BTBD8: variants seen among roughly 807,000 people sequenced by gnomAD.
The protein encoded by BTBD8 is BTB/POZ domain-containing protein 8.
Under a neutral mutation model 162.9 loss-of-function variants are expected in BTBD8, and 110 were observed. The ratio of observed to expected loss-of-function variants is 0.68; its 90% CI spans 0.58 to 0.79. The LOEUF (loss-of-function observed/expected upper bound fraction) is 0.79. BTBD8 is among the 30% of genes least tolerant of loss of function. BTBD8 has a pLI of 0.00. For missense variants in BTBD8, 1,905 were observed against 2,085.4 expected, an observed-to-expected ratio of 0.91 and a Z score of 1.68; for synonymous variants, 667 against 716.1, an observed-to-expected ratio of 0.93 and a Z score of 1.10.
chr1:92,133,516 A>G (rs1445013147), intron 5 of BTBD8, among the ~76,000 whole-genome samples: 2 of 152,220 alleles, frequency 1.3e-5, no homozygotes, highest in African/African-American at 2.4e-5. Context: ...TGTCTGCAGG[A>G]TGTTTTCCAT....
At chr1:92,176,721 A>G (rs1650720373) in intron 13 of BTBD8, 108 bp from the exon 14 acceptor site, 3 of 569,840 alleles carry the variant, frequency 5.3e-6, no homozygotes, top group South Asian at 7.8e-5. Flanking sequence ...AAATCATAAT[A>G]TGAACTTTTC....
chr1:92,148,524 G>A (rs538745767), intron 9 of BTBD8, among the ~76,000 whole-genome samples: 2 of 152,260 alleles, frequency 1.3e-5, no homozygotes, highest in Non-Finnish European at 2.9e-5. Flanking sequence ...TGTGGGGCTG[G>A]GGGCAGTATC....
At chr1:92,106,051 G>A (rs1347664668) in intron 3 of BTBD8, among the ~76,000 whole-genome samples, 1 of 152,168 alleles carries the variant, frequency 6.6e-6, no homozygotes, top group Non-Finnish European at 1.5e-5. Context: ...AAGTATGGAG[G>A]CAGCTTACTT....
At chr1:92,162,757 G>C (rs1345687641) in intron 9 of BTBD8, among the ~76,000 whole-genome samples, 1 of 152,176 alleles carries the variant, frequency 6.6e-6, no homozygotes, top group African/African-American at 2.4e-5. Flanking sequence ...CTGCATATAA[G>C]CCTGTTTCTC....
At chr1:92,140,242 G>A (rs550135062) in intron 6 of BTBD8, among the ~76,000 whole-genome samples, 5 of 138,128 alleles carry the variant, frequency 3.6e-5, no homozygotes, top group East Asian at 2.2e-4. Flanking sequence ...GGACTGTAGC[G>A]AGACCCGGTT....
intron 17 of BTBD8, 120 bp downstream of exon 17, chr1:92,182,715 T>C: frequency 1.9e-6 from 1 of 531,502 alleles, no homozygotes; most frequent in Non-Finnish European, 3.1e-6. Flanking sequence ...AAGCAACAGA[T>C]TAAAATTTTA....
intron 7 of BTBD8, among the ~76,000 whole-genome samples, chr1:92,145,380 T>C (rs1423795459): frequency 6.6e-6 from 1 of 152,208 alleles, no homozygotes; most frequent in Non-Finnish European, 1.5e-5. Flanking sequence ...CCAGAAGGAC[T>C]ATGCTGGAGA....
intron 7 of BTBD8, among the ~76,000 whole-genome samples, chr1:92,146,150 T>C (rs1649913322): frequency 1.3e-5 from 2 of 152,180 alleles, no homozygotes; most frequent in African/African-American, 4.8e-5. Context: ...TATACTACTT[T>C]TGCTTTAAAA....
intron 13 of BTBD8, among the ~76,000 whole-genome samples, chr1:92,174,290 A>G (rs116822584): frequency 1.1e-3 from 170 of 152,224 alleles, no homozygotes; most frequent in African/African-American, 3.9e-3. Flanking sequence ...TTCTGGGCTC[A>G]AGGGATCCTT....
At chr1:92,143,780 G>A (rs951836420) in intron 7 of BTBD8, among the ~76,000 whole-genome samples, 1 of 151,714 alleles carries the variant, frequency 6.6e-6, no homozygotes, top group Non-Finnish European at 1.5e-5. Context: ...CCAAAGTGCT[G>A]GGATTACAGG....
intron 7 of BTBD8, 22 bp from the exon 8 acceptor site, chr1:92,147,158 T>C (rs200130585): frequency 1.8e-5 from 27 of 1,535,764 alleles, no homozygotes; most frequent in Non-Finnish European, 2.2e-5. Flanking sequence ...GGAATAAATA[T>C]GGTGTTTTCC....
intron 4 of BTBD8, among the ~76,000 whole-genome samples, chr1:92,123,545 C>G (rs550920999): frequency 6.6e-6 from 1 of 152,072 alleles, no homozygotes; most frequent in Non-Finnish European, 1.5e-5. Flanking sequence ...AGAGGTCTTA[C>G]ACATTTTGTT....
chr1:92,095,368 C>A (rs987466730), intron 2 of BTBD8, among the ~76,000 whole-genome samples: 1 of 152,174 alleles, frequency 6.6e-6, no homozygotes, highest in African/African-American at 2.4e-5. Flanking sequence ...CCATGCTTTC[C>A]CCTTGCTCCT....
intron 8 of BTBD8, 132 bp downstream of exon 8, chr1:92,147,400 C>T: frequency 1.5e-6 from 1 of 685,552 alleles, no homozygotes; most frequent in Non-Finnish European, 2.4e-6. Flanking sequence ...TAGTGCTAAA[C>T]TAGTTTCACC....
chr1:92,080,589 A>G lies in BTBD8; in HGVS notation c.18A>G (p.Glu6=). 1.9e-6 allele frequency: 3 copies of G among 1,614,014 alleles called. No homozygotes were observed. The highest frequency in any genetic ancestry group is 2.5e-6 in the Non-Finnish European group (3 of 1,179,918). The change falls in exon 1 of 18, where the codon GAA becomes GAG. Residue 6 remains glutamate (E), a synonymous_variant. Coordinates refer to ENST00000636805, the MANE Select transcript of BTBD8 (RefSeq NM_001376131.1). Reference sequence around the variant, plus strand: ...TGTGAGACATGGCTCGCTGTGGGGAAGGCAGTGCGGCCCCCATGGTACTTC... The same window carrying G: ...TGTGAGACATGGCTCGCTGTGGGGAGGGCAGTGCGGCCCCCATGGTACTTC... MARCG[E]GSAAPMVLLG...
intron 4 of BTBD8, among the ~76,000 whole-genome samples, chr1:92,117,120 G>A (rs1299231588): frequency 6.6e-6 from 1 of 151,880 alleles, no homozygotes; most frequent in Non-Finnish European, 1.5e-5. Context: ...AAATTGCTGG[G>A]ATTACAGGTG....
At chr1:92,119,018 C>T (rs899763461) in intron 4 of BTBD8, among the ~76,000 whole-genome samples, 22 of 151,340 alleles carry the variant, frequency 1.5e-4, no homozygotes, top group African/African-American at 5.4e-4. Flanking sequence ...ATAGAACTTG[C>T]AGGACTGGAA....
Position 92,166,428 on chromosome 1 carries a change from T to C in BTBD8, c.1123-530T>C, listed in dbSNP as rs557736142. 1.6e-3 allele frequency among the ~76,000 whole-genome samples: 230 copies of C among 145,338 alleles called. 4 individuals are homozygous for C. Among genetic ancestry groups the C allele is most frequent in the African/African-American group, 5.7e-3 (226 of 39,610 alleles). Reference sequence around the variant, plus strand: ...TTAGCTACTTTTCTTTTCTTTCTTTTTTTTTTTTTTTTTTGAGATGGAGTC... The same window carrying C: ...TTAGCTACTTTTCTTTTCTTTCTTTCTTTTTTTTTTTTTTGAGATGGAGTC... On this transcript the variant is annotated intron_variant, in intron 9 of 17. Coordinates refer to ENST00000636805, the MANE Select transcript of BTBD8 (RefSeq NM_001376131.1).
At chr1:92,178,115 A>G (rs1650775528) in intron 15 of BTBD8, among the ~76,000 whole-genome samples, 197 bp from the exon 16 acceptor site, 1 of 152,204 alleles carries the variant, frequency 6.6e-6, no homozygotes, top group African/African-American at 2.4e-5. Context: ...GTACTATGGC[A>G]TATGATTATA....
Sources: gnomAD v4.1 joint callset for allele counts (sites outside exome capture counted in the v4.1 genomes callset) on GRCh38, gnomAD v4.1.1 for gene constraint, MANE v1.5 for transcripts, NCBI Gene and HGNC (gene_info 2026-07-23, HGNC 2026-07-21) for gene names.